The following OR52B4 variants were observed in gnomAD, a reference collection of about 807,000 sequenced individuals.
OR52B4 encodes the protein olfactory receptor 52B4.
For missense variants in OR52B4, 450 were observed against 387.0 expected (o/e 1.16, Z -1.36); for synonymous variants, 182 against 142.3 (o/e 1.28, Z -1.98).
rs745307476 is a variant in OR52B4 at position 4,368,267 on chromosome 11, C to T, written c.29G>A (p.Ser10Asn). 4 of 1,611,952 alleles carry T rather than the reference C, an allele frequency of 2.5e-6. No homozygotes were observed. In the African/African-American group the frequency reaches 4.0e-5, roughly 16 times the overall value. MPTVNHSGT[S>N]HTVFHLLGIP... ...GCCCAGCAAGTGGAAGACTGTGTGGCTAGTGCCACTGTGGTTTACAGTAGG... is the reference window on the plus strand; with the variant it reads ...GCCCAGCAAGTGGAAGACTGTGTGGTTAGTGCCACTGTGGTTTACAGTAGG... The change falls in exon 1 of 1, where the codon AGC (serine) becomes AAC (asparagine). Residue 10 changes from serine (S) to asparagine (N), a missense_variant. Ser to Asn is a conservative substitution (Grantham distance 46). Transcript: ENST00000624801.
rs1217547434 is a variant in OR52B4 at position 4,368,111 on chromosome 11, T to A, written c.185A>T (p.Tyr62Phe). ...TCCAGCCAGCATGCAGAGGAAGAGG[T>A]ACATGGGTTCATGGAGGCTGCGCTT... is the stretch of plus-strand genomic sequence containing the variant. Reference protein sequence around the residue: ...LTKRSLHEPMYLFLCMLAGAD... With the variant: ...LTKRSLHEPMFLFLCMLAGAD... The change falls in exon 1 of 1, where the codon TAC becomes TTC. Residue 62 changes from tyrosine (Y) to phenylalanine (F), a missense_variant. By Grantham distance (22) the Tyr-to-Phe change is conservative (BLOSUM62 3). Transcript: ENST00000624801. 2.5e-6 allele frequency: 4 copies of A among 1,613,690 alleles called. No individual in the cohort carries two copies. The Admixed American group carries it at 6.7e-5, about 27-fold the overall frequency.
rs947768008 is a variant in OR52B4, at chr11:4,368,241, T to C, written c.55A>G (p.Ile19Val). The change falls in exon 1 of 1, where the codon ATC (isoleucine) becomes GTC (valine). Residue 19 changes from isoleucine to valine, a missense_variant. Physicochemically the swap from Ile to Val is conservative, Grantham distance 29 (BLOSUM62 3). Transcript: ENST00000624801. Reference sequence around the variant, plus strand: ...ATGTGCTGGTCCTGTAGGCCAGGGATGCCCAGCAAGTGGAAGACTGTGTGG... The same window carrying C: ...ATGTGCTGGTCCTGTAGGCCAGGGACGCCCAGCAAGTGGAAGACTGTGTGG... ...TSHTVFHLLGIPGLQDQHMWI... is the reference protein window; with the variant it reads ...TSHTVFHLLGVPGLQDQHMWI... The C allele has an allele frequency of 1.2e-5, 19 of 1,613,822 alleles. No homozygotes were observed. The highest frequency in any genetic ancestry group is 1.5e-5 in the Non-Finnish European group (18 of 1,179,856).
At position 4,367,337 on chromosome 11, in the gene OR52B4, T is replaced by G. The variant is rs1229506714; in HGVS notation, c.*14A>C. ...ATAGCTAGAGATTCTGAAAACTCAG[T>G]TCTTAAACCAAAGTTATTTCTGTTT... is the stretch of plus-strand genomic sequence containing the variant. On this transcript the variant is annotated 3_prime_UTR_variant, in exon 1 of 1. Coordinates refer to ENST00000624801, the MANE Select transcript of OR52B4 (RefSeq NM_001005161.3). 6.4e-7 allele frequency: 1 copy of G among 1,561,616 alleles called. No homozygotes were observed. The highest frequency in any genetic ancestry group is 8.8e-7 in the Non-Finnish European group (1 of 1,140,394).
chr11:4,367,548 T>G lies in OR52B4; in HGVS notation c.748A>C (p.Ile250Leu), dbSNP rs748806379. 6 of 1,613,982 alleles carry G rather than the reference T, an allele frequency of 3.7e-6. No homozygotes were observed. In the Admixed American group the frequency reaches 8.3e-5, roughly 22 times the overall value. The change falls in exon 1 of 1, where the codon ATC becomes CTC. Residue 250 changes from isoleucine to leucine, a missense_variant. Transcript: ENST00000624801. ...ATGCCAGACCCATAAAAGAGGATGATGATGCAGACATGGGAGCCAAATGTG... is the reference window on the plus strand; with the variant it reads ...ATGCCAGACCCATAAAAGAGGATGAGGATGCAGACATGGGAGCCAAATGTG... The part of the protein sequence containing the change: ...LNTFGSHVCI[I>L]ILFYGSGIFT...
rs776078508 is a variant in OR52B4 at position 4,368,132 on chromosome 11, C to T, written c.164G>A (p.Arg55His). Residue 55 changes from arginine to histidine, a missense_variant, in exon 1 of 1, where the codon CGC (arginine) becomes CAC (histidine). Arg to His is a conservative substitution (Grantham distance 29). Transcript: ENST00000624801. ...SLLIFIILTK[R>H]SLHEPMYLFL... is the part of the protein sequence containing the mutation. ...GAGGTACATGGGTTCATGGAGGCTG[C>T]GCTTTGTGAGGATAATGAAGATGAG... 15 of 1,613,584 alleles carry T rather than the reference C, an allele frequency of 9.3e-6. No individual in the cohort carries two copies. Among genetic ancestry groups the T allele is most frequent in the South Asian group, 2.2e-5 (2 of 91,062 alleles).
rs767012501 is a variant in OR52B4, at chr11:4,367,942, C to T, written c.354G>A (p.Leu118=). The T allele has an allele frequency of 3.7e-6, 6 of 1,614,018 alleles. No homozygotes were observed. In the South Asian group the frequency reaches 6.6e-5, roughly 18 times the overall value. The change falls in exon 1 of 1, where the codon CTG becomes CTA. Residue 118 remains leucine, a synonymous_variant. Transcript: ENST00000624801. ...CAATATAGTGGTCAAAGGCCATCAC[C>T]AGCAAGATCCCTGACTCAGAGATGA... ...STFISESGIL[L]VMAFDHYIAI...
rs201717807 is a variant in OR52B4 at position 4,367,465 on chromosome 11, C to A, written c.831G>T (p.Pro277=). ...GAGCCAGAATGCAGACATTAGCCAA[C>A]GGGATGTGGATACAAGGTGGAATGT... The part of the protein sequence containing the change: ...GRHIPPCIHI[P]LANVCILAPP... Residue 277 remains proline (P), a synonymous_variant, in exon 1 of 1, where the codon CCG becomes CCT. Coordinates refer to ENST00000624801, the MANE Select transcript of OR52B4 (RefSeq NM_001005161.3). The A allele has an allele frequency of 4.3e-6, 7 of 1,613,820 alleles. No individual in the cohort carries two copies. Among genetic ancestry groups the A allele is most frequent in the Non-Finnish European group, 5.9e-6 (7 of 1,179,820 alleles).
rs201331071 is a variant in OR52B4, at chr11:4,368,175, G to T, written c.121C>A (p.Leu41Ile). The change falls in exon 1 of 1, where the codon CTT (leucine) becomes ATT (isoleucine). Residue 41 changes from leucine (L) to isoleucine (I), a missense_variant. Transcript: ENST00000624801. ...IPFFISYVTA[L>I]LGNSLLIFII... is the part of the protein sequence containing the mutation. ...AAGATGAGCAGGCTGTTCCCAAGAAGGGCGGTGACATAGGAAATGAAGAAT... is the reference window on the plus strand; with the variant it reads ...AAGATGAGCAGGCTGTTCCCAAGAATGGCGGTGACATAGGAAATGAAGAAT... The T allele has an allele frequency of 2.9e-6, 2 of 696,246 alleles. No individual in the cohort carries two copies. The allele number at this position is 696,246 out of a possible 1,614,324, so 43.1% of individuals were successfully genotyped here.
At position 4,367,897 on chromosome 11, in the gene OR52B4, C is replaced by T. The variant is rs1209507859; in HGVS notation, c.399G>A (p.Arg133=). ...DHYIAICYPL[R]YTTILTNALI... ...GAGCATTTGTAAGAATGGTGGTGTACCTCAGTGGGTAGCATATGGCAATAT... is the reference window on the plus strand; with the variant it reads ...GAGCATTTGTAAGAATGGTGGTGTATCTCAGTGGGTAGCATATGGCAATAT... The change falls in exon 1 of 1, where the codon AGG becomes AGA. Residue 133 remains arginine (R), a synonymous_variant. Coordinates refer to ENST00000624801, the MANE Select transcript of OR52B4 (RefSeq NM_001005161.3). The T allele has an allele frequency of 6.8e-6, 11 of 1,614,004 alleles. No homozygotes were observed. The highest frequency in any genetic ancestry group is 8.5e-6 in the Non-Finnish European group (10 of 1,179,978).
rs567146448 is a variant in OR52B4 at position 4,368,179 on chromosome 11, G to A, written c.117C>T (p.Thr39=). The change falls in exon 1 of 1, where the codon ACC becomes ACT. Residue 39 remains threonine (T), a synonymous_variant. Transcript: ENST00000624801. ...ISIPFFISYV[T]ALLGNSLLIF... Reference sequence around the variant, plus strand: ...TGAGCAGGCTGTTCCCAAGAAGGGCGGTGACATAGGAAATGAAGAATGGGA... The same window carrying A: ...TGAGCAGGCTGTTCCCAAGAAGGGCAGTGACATAGGAAATGAAGAATGGGA... The A allele has an allele frequency of 6.3e-5, 102 of 1,613,756 alleles. No homozygotes were observed. Among genetic ancestry groups the A allele is most frequent in the African/African-American group, 4.7e-4 (35 of 74,978 alleles).
Position 4,367,460 on chromosome 11 carries a change from G to A in OR52B4, c.836C>T (p.Ala279Val). 1 of 1,613,944 alleles carries A rather than the reference G, an allele frequency of 6.2e-7. No homozygotes were observed. The highest frequency in any genetic ancestry group is 8.5e-7 in the Non-Finnish European group (1 of 1,179,872). Residue 279 changes from alanine to valine, a missense_variant, in exon 1 of 1, where the codon GCT becomes GTT. Ala to Val is a moderately conservative substitution (Grantham distance 64). Transcript: ENST00000624801. ...HIPPCIHIPL[A>V]NVCILAPPML... ...AGGTGGAGCCAGAATGCAGACATTAGCCAACGGGATGTGGATACAAGGTGG... is the reference window on the plus strand; with the variant it reads ...AGGTGGAGCCAGAATGCAGACATTAACCAACGGGATGTGGATACAAGGTGG...
At position 4,368,329 on chromosome 11, in the gene OR52B4, C is replaced by T. The variant is rs765315065; in HGVS notation, c.-34G>A. 1 of 1,138,556 alleles carries T rather than the reference C, an allele frequency of 8.8e-7. No individual in the cohort carries two copies. The highest frequency in any genetic ancestry group is 2.4e-5 in the East Asian group (1 of 42,222). 70.5% of individuals were successfully genotyped at this position (1,138,556 alleles called of 1,614,324 possible). A position where few individuals can be genotyped will look rare whatever the true frequency, so the allele number is the denominator to read the frequency against. On this transcript the variant is annotated 5_prime_UTR_variant, in exon 1 of 1. Transcript: ENST00000624801. The stretch of plus-strand genomic sequence containing the variant: ...AGAACTTTCAGAACCTCACCTCCTA[C>T]TCACAGAGGTAGAAGAAGATAAAAT...
Position 4,367,680 on chromosome 11 carries a change from T to G in OR52B4, c.616A>C (p.Met206Leu). 8 of 1,613,960 alleles carry G rather than the reference T, an allele frequency of 5.0e-6. No homozygotes were observed. Among genetic ancestry groups the G allele is most frequent in the Non-Finnish European group, 6.8e-6 (8 of 1,179,898 alleles). The change falls in exon 1 of 1, where the codon ATG becomes CTG. Residue 206 changes from methionine to leucine, a missense_variant. Physicochemically the swap from Met to Leu is conservative, Grantham distance 15. Transcript: ENST00000624801. ...INIWYGFSIL[M>L]STVVLDVVLI... ...ACAACATCTAAGACCACCGTCGACA[T>G]TAGAATGGAAAACCCATACCAAATG...
In OR52B4 at chr11:4,368,201, G is replaced by A; in HGVS notation, c.95C>T (p.Pro32Leu). Residue 32 changes from proline (P) to leucine (L), a missense_variant, in exon 1 of 1, where the codon CCA becomes CTA. Coordinates refer to ENST00000624801, the MANE Select transcript of OR52B4 (RefSeq NM_001005161.3). ...LQDQHMWISI[P>L]FFISYVTALL... ...GGCGGTGACATAGGAAATGAAGAAT[G>A]GGATAGAAATCCACATGTGCTGGTC... The A allele has an allele frequency of 6.2e-7, 1 of 1,613,816 alleles. No homozygotes were observed. Among genetic ancestry groups the A allele is most frequent in the Non-Finnish European group, 8.5e-7 (1 of 1,179,776 alleles).
At position 4,367,603 on chromosome 11, in the gene OR52B4, A is replaced by G. The variant is rs2094936153; in HGVS notation, c.693T>C (p.Pro231=). The G allele has an allele frequency of 6.2e-7, 1 of 1,613,948 alleles. No individual in the cohort carries two copies. The highest frequency in any genetic ancestry group is 1.3e-5 in the African/African-American group (1 of 74,916). Residue 231 remains proline (P), a synonymous_variant, in exon 1 of 1, where the codon CCT becomes CCC. Coordinates refer to ENST00000624801, the MANE Select transcript of OR52B4 (RefSeq NM_001005161.3). ...GAGCTTTGTGGCAAGCATCTGGAGA[A>G]GGCATGTGGAAGACAGCATGGAGAA... ...MLILHAVFHM[P]SPDACHKALN...
rs779382272 is a variant in OR52B4 at position 4,367,949 on chromosome 11, A to G, written c.347T>C (p.Ile116Thr). The change falls in exon 1 of 1, where the codon ATC becomes ACC. Residue 116 changes from isoleucine to threonine, a missense_variant. Transcript: ENST00000624801. ...GTGGTCAAAGGCCATCACCAGCAAGATCCCTGACTCAGAGATGAAGGTGGA... is the reference window on the plus strand; with the variant it reads ...GTGGTCAAAGGCCATCACCAGCAAGGTCCCTGACTCAGAGATGAAGGTGGA... ...IHSTFISESG[I>T]LLVMAFDHYI... 2 of 1,614,012 alleles carry G rather than the reference A, an allele frequency of 1.2e-6. No individual in the cohort carries two copies. The highest frequency in any genetic ancestry group is 2.2e-5 in the South Asian group (2 of 91,080).
In OR52B4 at chr11:4,368,142, G is replaced by A; in HGVS notation, c.154C>T (p.Leu52Phe). 1 of 1,613,228 alleles carries A rather than the reference G, an allele frequency of 6.2e-7. No homozygotes were observed. The highest frequency in any genetic ancestry group is 8.5e-7 in the Non-Finnish European group (1 of 1,179,818). Residue 52 changes from leucine (L) to phenylalanine (F), a missense_variant, in exon 1 of 1, where the codon CTC (leucine) becomes TTC (phenylalanine). Transcript: ENST00000624801. The part of the protein sequence containing the change: ...LGNSLLIFII[L>F]TKRSLHEPMY... The stretch of plus-strand genomic sequence containing the variant: ...GGTTCATGGAGGCTGCGCTTTGTGA[G>A]GATAATGAAGATGAGCAGGCTGTTC...
At position 4,367,322 on chromosome 11, in the gene OR52B4, A is replaced by T. The variant is rs1408108614; in HGVS notation, c.*29T>A. 7.0e-6 allele frequency: 10 copies of T among 1,435,270 alleles called. No individual in the cohort carries two copies. The highest frequency in any genetic ancestry group is 9.7e-6 in the Non-Finnish European group (10 of 1,032,400). 88.9% of individuals were successfully genotyped at this position (1,435,270 alleles called of 1,614,324 possible). ...ATACCCACTTACCAGATAGCTAGAGATTCTGAAAACTCAGTTCTTAAACCA... is the reference window on the plus strand; with the variant it reads ...ATACCCACTTACCAGATAGCTAGAGTTTCTGAAAACTCAGTTCTTAAACCA... On this transcript the variant is annotated 3_prime_UTR_variant, in exon 1 of 1. Transcript: ENST00000624801.
Position 4,367,873 on chromosome 11 carries a change from A to C in OR52B4, c.423T>G (p.Ala141=). ...CAGTCACACAAATTTTCTTGATCAGAGCATTTGTAAGAATGGTGGTGTACC... is the reference window on the plus strand; with the variant it reads ...CAGTCACACAAATTTTCTTGATCAGCGCATTTGTAAGAATGGTGGTGTACC... ...PLRYTTILTN[A]LIKKICVTVS... is the part of the protein sequence containing the mutation. Residue 141 remains alanine, a synonymous_variant, in exon 1 of 1, where the codon GCT becomes GCG. Coordinates refer to ENST00000624801, the MANE Select transcript of OR52B4 (RefSeq NM_001005161.3). The C allele has an allele frequency of 1.2e-6, 2 of 1,614,140 alleles. No homozygotes were observed. Among genetic ancestry groups the C allele is most frequent in the Non-Finnish European group, 1.7e-6 (2 of 1,179,998 alleles).
Sources: allele counts gnomAD v4.1 joint callset, GRCh38; gene constraint gnomAD v4.1.1; transcripts MANE v1.5; gene names NCBI Gene and HGNC (gene_info 2026-07-23, HGNC 2026-07-21).